The following DACH1 variants were observed in gnomAD, a reference collection of about 807,000 sequenced individuals.
The protein encoded by DACH1 is dachshund family transcription factor 1.
In DACH1, 12 loss-of-function variants were observed where a neutral mutation model predicts 54.2. The observed-to-expected ratio is 0.22, with a 90% CI of 0.14 to 0.36. The LOEUF is 0.36. Ranked by LOEUF, DACH1 falls within the 10% of genes least tolerant of loss-of-function variation. The pLI is 1.00. For synonymous variants in DACH1, 386 were observed against 366.2 expected, an observed-to-expected ratio of 1.05 and a Z score of -0.62; for missense variants, 805 against 929.8, an observed-to-expected ratio of 0.87 and a Z score of 1.75.
intron 3 of DACH1, among the ~76,000 whole-genome samples, chr13:71,591,217 C>G (rs1025983327): frequency 1.3e-5 from 2 of 151,928 alleles, no homozygotes; most frequent in African/African-American, 4.8e-5. Context: ...ATTTTATTCT[C>G]CTTCACACTA....
chr13:71,760,471 C>T (rs1267898474), intron 1 of DACH1, among the ~76,000 whole-genome samples: 1 of 152,178 alleles, frequency 6.6e-6, no homozygotes, highest in Non-Finnish European at 1.5e-5. Context: ...CTGAAAGCTC[C>T]AGATCAGCCT....
chr13:71,569,689 T>TG (rs1885089473), intron 4 of DACH1, among the ~76,000 whole-genome samples: 1 of 152,184 alleles, frequency 6.6e-6, no homozygotes, highest in Admixed American at 6.5e-5. Context: ...TATATAACTC[T>TG]GAAAGCTGTA....
intron 2 of DACH1, chr13:71,675,577 T>C: frequency 1.4e-6 from 1 of 696,224 alleles, no homozygotes; most frequent in Non-Finnish European, 2.4e-6. Context: ...TTTTTTTCCA[T>C]GGGGTCAAAA....
At chr13:71,554,503 G>A (rs1411625100) in intron 6 of DACH1, among the ~76,000 whole-genome samples, 2 of 152,102 alleles carry the variant, frequency 1.3e-5, no homozygotes, top group Non-Finnish European at 2.9e-5. Context: ...AAGTTTTTAT[G>A]TATATTCGTG....
chr13:71,789,785 A>G (rs1886759439), intron 1 of DACH1, among the ~76,000 whole-genome samples: 2 of 152,146 alleles, frequency 1.3e-5, no homozygotes, highest in Admixed American at 6.5e-5. Flanking sequence ...AATATTGGAC[A>G]GACATAAACA....
At chr13:71,559,723 A>G (rs1021931530) in intron 5 of DACH1, 97 bp downstream of exon 5, 35 of 1,479,806 alleles carry the variant, frequency 2.4e-5, no homozygotes, top group Non-Finnish European at 3.3e-5. Context: ...AACATGATCC[A>G]TCTGAGATCT....
intron 3 of DACH1, among the ~76,000 whole-genome samples, chr13:71,626,035 CTG>C (rs1876620807): frequency 6.6e-6 from 1 of 151,870 alleles, no homozygotes; most frequent in Admixed American, 6.6e-5. Context: ...ATTTTTTAAA[CTG>C]TATACATAGT....
intron 1 of DACH1, among the ~76,000 whole-genome samples, chr13:71,723,680 C>T (rs920450509): frequency 2.0e-5 from 3 of 150,072 alleles, no homozygotes; most frequent in African/African-American, 7.5e-5. Flanking sequence ...TATTGTTTTG[C>T]TTTTTTGTTT....
chr13:71,496,545 C>T (rs2138221487), intron 6 of DACH1, among the ~76,000 whole-genome samples: 1 of 151,440 alleles, frequency 6.6e-6, no homozygotes, highest in African/African-American at 2.4e-5. Context: ...GACTGATAGA[C>T]AATTGAGACT....
chr13:71,632,205 A>T (rs1877156257), intron 2 of DACH1, among the ~76,000 whole-genome samples: 1 of 152,152 alleles, frequency 6.6e-6, no homozygotes, highest in African/African-American at 2.4e-5. Flanking sequence ...TGCTGTTCTG[A>T]CTTTATATAT....
chr13:71,496,994 A>G (rs1011567620), intron 6 of DACH1, among the ~76,000 whole-genome samples: 15 of 152,182 alleles, frequency 9.9e-5, no homozygotes, highest in Non-Finnish European at 2.2e-4. Flanking sequence ...TAAAATGAAA[A>G]GCAAACCAGG....
In DACH1 at chr13:71,866,403, T is replaced by G; in HGVS notation, c.367A>C (p.Ser123Arg). ...NGSGGGGGGISAGGGVASSTP... is the reference protein window; with the variant it reads ...NGSGGGGGGIRAGGGVASSTP... ...CTGGAAGCGACGCCGCCGCCAGCGC[T>G]GATGCCGCCGCCGCCGCCGCCGCTG... Residue 123 changes from serine (S) to arginine (R), a missense_variant, in exon 1 of 11, where the codon AGC (serine) becomes CGC (arginine). Transcript: ENST00000613252. The G allele has an allele frequency of 1.4e-6, 2 of 1,385,610 alleles. No homozygotes were observed. Among genetic ancestry groups the G allele is most frequent in the Non-Finnish European group, 1.9e-6 (2 of 1,037,722 alleles). The allele number at this position is 1,385,610 out of a possible 1,614,324, so 85.8% of individuals were successfully genotyped here.
chr13:71,478,208 T>C (rs1271736406), intron 8 of DACH1, among the ~76,000 whole-genome samples: 2 of 152,196 alleles, frequency 1.3e-5, no homozygotes, highest in Admixed American at 6.5e-5. Context: ...CTTGTTTTGA[T>C]TATTTAAATA....
At position 71,739,577 on chromosome 13, in the gene DACH1, A is replaced by C. The variant is rs1594161577; in HGVS notation, c.849-57667T>G. 1.4e-4 allele frequency among the ~76,000 whole-genome samples: 7 copies of C among 50,360 alleles called. No homozygotes were observed. The South Asian group carries it at 2.6e-3, about 19-fold the overall frequency. The allele number at this position is 50,360 out of a possible 152,430, so 33.0% of individuals were successfully genotyped here. A position where few individuals can be genotyped will look rare whatever the true frequency, so the allele number is the denominator to read the frequency against. Reference sequence around the variant, plus strand: ...GTTGTCAAGTACTTTACACTTAAAGACTGTCAGTTTGCACTATCTACCTTT... The same window carrying C: ...GTTGTCAAGTACTTTACACTTAAAGCCTGTCAGTTTGCACTATCTACCTTT... On this transcript the variant is annotated intron_variant, in intron 1 of 10. Coordinates refer to ENST00000613252, the MANE Select transcript of DACH1 (RefSeq NM_080759.6).
rs923240066 is a variant in DACH1 at position 71,440,419 on chromosome 13, A to T, written c.*236T>A. ...CAAGTTGCAGTAATTAACTGTAAGA[A>T]CTTTGATACTTGTACATTTACAAAC... is the stretch of plus-strand genomic sequence containing the variant. On this transcript the variant is annotated 3_prime_UTR_variant, in exon 11 of 11. Coordinates refer to ENST00000613252, the MANE Select transcript of DACH1 (RefSeq NM_080759.6). 2.3e-6 allele frequency: 1 copy of T among 437,520 alleles called. No individual in the cohort carries two copies. The allele number at this position is 437,520 out of a possible 1,614,324, so 27.1% of individuals were successfully genotyped here. A position where few individuals can be genotyped will look rare whatever the true frequency, so the allele number is the denominator to read the frequency against.
rs181957106 is a variant in DACH1 at position 71,641,762 on chromosome 13, C to T, written c.965-11045G>A. The stretch of plus-strand genomic sequence containing the variant: ...CAATTTCATAATCATGGTCAAGTTA[C>T]TTAATTCTTTGAGTGTGACTTAGAC... On this transcript the variant is annotated intron_variant, in intron 2 of 10. Coordinates refer to ENST00000613252, the MANE Select transcript of DACH1 (RefSeq NM_080759.6). 1.6e-4 allele frequency among the ~76,000 whole-genome samples: 24 copies of T among 152,248 alleles called. No individual in the cohort carries two copies. The East Asian group carries it at 4.3e-3, about 27-fold the overall frequency.
At chr13:71,464,360 G>C (rs1876364841) in intron 10 of DACH1, among the ~76,000 whole-genome samples, 1 of 151,950 alleles carries the variant, frequency 6.6e-6, no homozygotes, top group Non-Finnish European at 1.5e-5. Context: ...TTGTTAAAAT[G>C]ATACTGAATG....
At chr13:71,830,541 G>C (rs951804994) in intron 1 of DACH1, among the ~76,000 whole-genome samples, 1 of 151,848 alleles carries the variant, frequency 6.6e-6, no homozygotes, top group Non-Finnish European at 1.5e-5. Flanking sequence ...ATATATAAAT[G>C]AGGAAGAGAC....
At chr13:71,682,449 CGAT>C (rs532306544) in intron 1 of DACH1, among the ~76,000 whole-genome samples, 212 of 152,138 alleles carry the variant, frequency 1.4e-3, no homozygotes, top group African/African-American at 4.8e-3. Flanking sequence ...GCACATTTTT[CGAT>C]GATATGTTTT....
Sources: allele counts gnomAD v4.1 joint callset (sites outside exome capture counted in the v4.1 genomes callset), GRCh38; gene constraint gnomAD v4.1.1; transcripts MANE v1.5; gene names NCBI Gene and HGNC (gene_info 2026-07-23, HGNC 2026-07-21).